F9: variants seen among roughly 807,000 people sequenced by gnomAD.
F9 encodes the protein coagulation factor IX, also known as Christmas factor.
In F9, 2 loss-of-function variants were observed where a neutral mutation model predicts 34.1. The observed-to-expected ratio is 0.06, with a 90% confidence interval of 0.02 to 0.18. F9 has a LOEUF of 0.18. F9 is among the 10% of genes least tolerant of loss of function. The pLI is 1.00. For synonymous variants in F9, 137 were observed against 118.8 expected (o/e 1.15, Z -1.00); for missense variants, 216 against 345.1 (o/e 0.63, Z 2.96).
intron 5 of F9, among the ~76,000 whole-genome samples, chrX:139,549,955 T>C (rs1927803592): frequency 9.0e-6 from 1 of 111,697 alleles, no homozygotes; most frequent in African/African-American, 3.3e-5. Flanking sequence ...CTAGTCTACC[T>C]TGAGAGGAGC....
Position 139,548,454 on chromosome X carries a change from T to C in F9, c.483T>C (p.Tyr161=), listed in dbSNP as rs1047289457. 19 of 1,208,775 alleles carry C rather than the reference T, an allele frequency of 1.6e-5. No individual in the cohort carries two copies. Among genetic ancestry groups the C allele is most frequent in the East Asian group, 3.0e-5 (1 of 33,740 alleles). Residue 161 remains tyrosine, a synonymous_variant, in exon 5 of 8, where the codon TAT becomes TAC. Coordinates refer to ENST00000218099, the MANE Select transcript of F9 (RefSeq NM_000133.4). ...TGGTTTGCTCCTGTACTGAGGGATATCGACTTGCAGAAAACCAGAAGTCCT... is the reference window on the plus strand; with the variant it reads ...TGGTTTGCTCCTGTACTGAGGGATACCGACTTGCAGAAAACCAGAAGTCCT... The part of the protein sequence containing the change: ...NKVVCSCTEG[Y]RLAENQKSCE...
At chrX:139,560,016 T>C (rs186339434) in intron 6 of F9, among the ~76,000 whole-genome samples, 1 of 112,375 alleles carries the variant, frequency 8.9e-6, no homozygotes, top group African/African-American at 3.2e-5. Context: ...GCCTCTTATC[T>C]AATAATACCC....
chrX:139,543,248 G>A (rs1417329894), intron 4 of F9, among the ~76,000 whole-genome samples: 1 of 110,755 alleles, frequency 9.0e-6, no homozygotes, highest in East Asian at 2.8e-4. Context: ...AACGTTCAGG[G>A]CATGCATTCT....
rs112057482 is a variant in F9, at chrX:139,561,780, A to G, written c.1095A>G (p.Ser365=). ...GAAGAGTCTTCCACAAAGGGAGATC[A>G]GCTTTAGTTCTTCAGTACCTTAGAG... ...GWGRVFHKGR[S]ALVLQYLRVP... The change falls in exon 8 of 8, where the codon TCA becomes TCG. Residue 365 remains serine, a synonymous_variant. Coordinates refer to ENST00000218099, the MANE Select transcript of F9 (RefSeq NM_000133.4). 2,419 of 1,210,305 alleles carry G rather than the reference A, an allele frequency of 2.0e-3. 19 individuals carry two copies. The African/African-American group carries it at 0.033, about 16-fold the overall frequency.
chrX:139,536,861 G>A, intron 1 of F9, 149 bp from the exon 2 acceptor site: 1 of 503,096 alleles, frequency 2.0e-6, no homozygotes, highest in East Asian at 3.6e-5. Context: ...CAGTACTGTG[G>A]GAACATCACA....
intron 6 of F9, among the ~76,000 whole-genome samples, chrX:139,557,638 C>T (rs1927998734): frequency 1.8e-5 from 2 of 112,189 alleles, no homozygotes; most frequent in African/African-American, 6.5e-5. Flanking sequence ...ACCGTGATAT[C>T]ATTGCATGTG....
chrX:139,543,544 G>A (rs915542894), intron 4 of F9, among the ~76,000 whole-genome samples: 21 of 112,309 alleles, frequency 1.9e-4, no homozygotes, highest in African/African-American at 6.1e-4. Context: ...AGTAAAAAAA[G>A]GAAATATGTT....
rs387906480 is a variant in F9, at chrX:139,530,795, T to A, written c.31T>A (p.Ser11Thr). ...GCGCGTGAACATGATCATGGCAGAA[T>A]CACCAGGCCTCATCACCATCTGCCT... is the stretch of plus-strand genomic sequence containing the variant. MQRVNMIMAE[S>T]PGLITICLLG... The change falls in exon 1 of 8, where the codon TCA becomes ACA. Residue 11 changes from serine to threonine, a missense_variant. Transcript: ENST00000218099. The A allele has an allele frequency of 8.3e-7, 1 of 1,209,639 alleles. No homozygotes were observed. The highest frequency in any genetic ancestry group is 1.7e-5 in the African/African-American group (1 of 57,357).
At chrX:139,554,503 T>C (rs1927922610) in intron 6 of F9, among the ~76,000 whole-genome samples, 1 of 112,243 alleles carries the variant, frequency 8.9e-6, no homozygotes, top group African/African-American at 3.2e-5. Context: ...AAATATGAGA[T>C]AAATTGAGTG....
chrX:139,532,773 G>C (rs777911882), intron 1 of F9, among the ~76,000 whole-genome samples: 7 of 112,005 alleles, frequency 6.2e-5, no homozygotes, highest in African/African-American at 2.3e-4. Flanking sequence ...TATGCAAAGA[G>C]GATCACTCGT....
At chrX:139,556,538 G>C (rs749973415) in intron 6 of F9, among the ~76,000 whole-genome samples, 6 of 111,523 alleles carry the variant, frequency 5.4e-5, no homozygotes, top group African/African-American at 1.6e-4. Flanking sequence ...TTTCCTTAGG[G>C]GCCAGGATGT....
At chrX:139,560,989 G>T (rs753763593) in intron 7 of F9, 134 bp downstream of exon 7, 9 of 538,452 alleles carry the variant, frequency 1.7e-5, no homozygotes, top group African/African-American at 1.1e-4. Flanking sequence ...CATAATTTCA[G>T]AACCCACGTC....
At chrX:139,561,497 A>G in intron 7 of F9, 27 bp from the exon 8 acceptor site, 1 of 1,176,306 alleles carries the variant, frequency 8.5e-7, no homozygotes, top group African/African-American at 1.7e-5. Flanking sequence ...ACTGTTTGTG[A>G]CTTAAAATGA....
chrX:139,535,238 A>T (rs998684502), intron 1 of F9, among the ~76,000 whole-genome samples: 2 of 111,153 alleles, frequency 1.8e-5, no homozygotes, highest in Non-Finnish European at 3.8e-5. Flanking sequence ...GGGTGCCTGT[A>T]ATCCCAGCTA....
chrX:139,539,022 T>C (rs889142533), intron 3 of F9, among the ~76,000 whole-genome samples: 16 of 112,202 alleles, frequency 1.4e-4, no homozygotes, highest in African/African-American at 4.8e-4. Context: ...TCAAGGTTCC[T>C]AACCACTACA....
Position 139,561,870 on chromosome X carries a change from C to T in F9, c.1185C>T (p.Phe395=), listed in dbSNP as rs1928122247. 2.5e-6 allele frequency: 3 copies of T among 1,211,685 alleles called. No homozygotes were observed. The East Asian group carries it at 8.9e-5, about 36-fold the overall frequency. Residue 395 remains phenylalanine, a synonymous_variant, in exon 8 of 8, where the codon TTC becomes TTT. Transcript: ENST00000218099. The part of the protein sequence containing the change: ...STKFTIYNNM[F]CAGFHEGGRD... ...AGTTCACCATCTATAACAACATGTT[C>T]TGTGCTGGCTTCCATGAAGGAGGTA... is the stretch of plus-strand genomic sequence containing the variant.
At position 139,540,393 on chromosome X, in the gene F9, CT is replaced by C. The variant is rs5904001; in HGVS notation, c.278-678del. ...ACATAAATAAAGCACACTGTAGAAT[CT>C]TTTTAAATTCTGTATGATATATCGA... On this transcript the variant is annotated intron_variant, in intron 3 of 7. Coordinates refer to ENST00000218099, the MANE Select transcript of F9 (RefSeq NM_000133.4). Among the ~76,000 whole-genome samples the C allele has an allele frequency of 1.2e-4, 13 of 112,270 alleles. No individual in the cohort carries two copies. The South Asian group carries it at 4.4e-3, about 38-fold the overall frequency.
intron 1 of F9, among the ~76,000 whole-genome samples, chrX:139,535,880 T>C (rs1382850038): frequency 9.0e-6 from 1 of 110,790 alleles, no homozygotes; most frequent in Non-Finnish European, 1.9e-5. Flanking sequence ...CTAAATGGTA[T>C]AGCTTACTAC....
chrX:139,549,641 T>A (rs771978881), intron 5 of F9, among the ~76,000 whole-genome samples: 93 of 112,849 alleles, frequency 8.2e-4, no homozygotes, highest in African/African-American at 3.0e-3. Context: ...TGCAATTGTC[T>A]GTGGTTTAAG....
Sources: allele counts gnomAD v4.1 joint callset (sites outside exome capture counted in the v4.1 genomes callset), GRCh38; gene constraint gnomAD v4.1.1; transcripts MANE v1.5; gene names NCBI Gene and HGNC (gene_info 2026-07-23, HGNC 2026-07-21).